The following ZNF214 variants were observed in gnomAD, a reference collection of about 807,000 sequenced individuals.
ZNF214 encodes zinc finger protein 214, also known as BWSCR2-associated zinc finger protein 1.
Under a neutral mutation model 53.9 loss-of-function variants are expected in ZNF214, and 43 were observed. The observed-to-expected ratio is 0.80, with a 90% CI of 0.63 to 1.03. ZNF214 has a LOEUF of 1.03. Among genes scored for constraint, ZNF214 ranks in the 50% least tolerant of loss-of-function variants. The pLI is 0.00. For missense variants in ZNF214, 724 were observed against 719.1 expected, an observed-to-expected ratio of 1.01 and a Z score of -0.08; for synonymous variants, 217 against 229.5, an observed-to-expected ratio of 0.95 and a Z score of 0.49.
rs748332630 is a variant in ZNF214 at position 7,002,828 on chromosome 11, A to G, written c.8T>C (p.Val3Ala). The change falls in exon 2 of 3, where the codon GTA becomes GCA. Residue 3 changes from valine (V) to alanine (A), a missense_variant. Transcript: ENST00000278314. MA[V>A]TFEDVTIIFT... is the part of the protein sequence containing the mutation. ...AATAATAGTCACATCTTCAAATGTT[A>G]CTGCCATCTGGTCAAAGATCAGGCT... The G allele has an allele frequency of 1.3e-6, 2 of 1,598,068 alleles. No individual in the cohort carries two copies. Among genetic ancestry groups the G allele is most frequent in the Admixed American group, 1.8e-5 (1 of 56,836 alleles).
intron 1 of ZNF214, among the ~76,000 whole-genome samples, chr11:7,013,917 T>C (rs1017144394): frequency 3.3e-5 from 5 of 152,218 alleles, no homozygotes; most frequent in African/African-American, 7.2e-5. Context: ...ATATGATTAT[T>C]GTAATGGATG....
intron 1 of ZNF214, among the ~76,000 whole-genome samples, chr11:7,005,774 G>A (rs1242005479): frequency 6.6e-6 from 1 of 151,952 alleles, no homozygotes; most frequent in Admixed American, 6.6e-5. Context: ...ATTTCATTAG[G>A]TTTTACAAAT....
At chr11:7,012,457 A>G (rs996026693) in intron 1 of ZNF214, among the ~76,000 whole-genome samples, 6 of 152,182 alleles carry the variant, frequency 3.9e-5, no homozygotes, top group Admixed American at 1.3e-4. Flanking sequence ...ATGAAAAAAA[A>G]GATGGAATTT....
rs1383255255 is a variant in ZNF214, at chr11:6,997,414, A to G, written c.*2448T>C. Among the ~76,000 whole-genome samples the G allele has an allele frequency of 2.6e-5, 4 of 151,824 alleles. No homozygotes were observed. The highest frequency in any genetic ancestry group is 1.3e-4 in the Admixed American group (2 of 15,210). ...TGAAGCATTGAACGTGTTTTGATAC[A>G]TTTGGCTTTAATCATCTTGATCCGT... On this transcript the variant is annotated 3_prime_UTR_variant, in exon 3 of 3. Coordinates refer to ENST00000278314, the MANE Select transcript of ZNF214 (RefSeq NM_013249.4).
chr11:6,999,684 T>A lies in ZNF214; in HGVS notation c.*178A>T. 3.5e-6 allele frequency: 2 copies of A among 576,088 alleles called. No homozygotes were observed. The highest frequency in any genetic ancestry group is 5.6e-6 in the Non-Finnish European group (2 of 354,508). The allele number at this position is 576,088 out of a possible 1,614,324, so 35.7% of individuals were successfully genotyped here. On this transcript the variant is annotated 3_prime_UTR_variant, in exon 3 of 3. Transcript: ENST00000278314. The stretch of plus-strand genomic sequence containing the variant: ...AAAATACACTATAATTTTAAATATA[T>A]AGGGTTTTTTCTAAAGATCTCCTTT...
chr11:7,014,136 A>G lies in ZNF214; in HGVS notation c.-21+5937T>C, dbSNP rs540614163. On this transcript the variant is annotated intron_variant, in intron 1 of 2. Transcript: ENST00000278314. ...TACTGTGAAACTACAGCATAATGCA[A>G]TTAGACAAAATTATCTGTAGAGGAT... 1.1e-4 allele frequency among the ~76,000 whole-genome samples: 16 copies of G among 152,370 alleles called. 1 individual carries two copies. In the South Asian group the frequency reaches 2.5e-3, roughly 24 times the overall value.
At chr11:7,014,484 A>G (rs1397207284) in intron 1 of ZNF214, among the ~76,000 whole-genome samples, 2 of 152,256 alleles carry the variant, frequency 1.3e-5, no homozygotes, top group African/African-American at 4.8e-5. Context: ...TTCATGGAAG[A>G]ATATATAGTG....
chr11:7,002,440 C>T (rs1166953921), intron 2 of ZNF214, among the ~76,000 whole-genome samples: 1 of 151,896 alleles, frequency 6.6e-6, no homozygotes, highest in Non-Finnish European at 1.5e-5. Flanking sequence ...AATTTAGGAC[C>T]ACACAAAATT....
At chr11:7,003,865 A>T (rs16921141) in intron 1 of ZNF214, among the ~76,000 whole-genome samples, 5,364 of 152,050 alleles carry the variant, frequency 0.035, 150 homozygotes, top group East Asian at 0.13. Flanking sequence ...CCATGTATTT[A>T]AATACCTAGT....
At chr11:7,020,039 G>T (rs1362120983) in intron 1 of ZNF214, 34 bp downstream of exon 1, 11 of 152,342 alleles carry the variant, frequency 7.2e-5, no homozygotes, top group Admixed American at 4.6e-4. Flanking sequence ...CCCATACCCC[G>T]GGGCCCAAGC....
chr11:7,004,029 T>C (rs2133388494), intron 1 of ZNF214, among the ~76,000 whole-genome samples: 1 of 151,946 alleles, frequency 6.6e-6, no homozygotes, highest in East Asian at 1.9e-4. Context: ...GGAAAATAAA[T>C]GGACTCACTG....
chr11:7,012,956 A>G (rs992995869), intron 1 of ZNF214, among the ~76,000 whole-genome samples: 1 of 151,300 alleles, frequency 6.6e-6, no homozygotes, highest in African/African-American at 2.4e-5. Context: ...ATCTCACAAG[A>G]TAAGTTGTTG....
In ZNF214 at chr11:6,997,301, C is replaced by T. The variant is rs145083107; in HGVS notation, c.*2561G>A. Reference sequence around the variant, plus strand: ...TTATGTTTGTCTAATAAACCTTCACCTGGTCTCACATTTAAGCAATATCAC... The same window carrying T: ...TTATGTTTGTCTAATAAACCTTCACTTGGTCTCACATTTAAGCAATATCAC... On this transcript the variant is annotated 3_prime_UTR_variant, in exon 3 of 3. Transcript: ENST00000278314. Among the ~76,000 whole-genome samples the T allele has an allele frequency of 1.3e-4, 20 of 151,870 alleles. No homozygotes were observed. The highest frequency in any genetic ancestry group is 4.8e-4 in the African/African-American group (20 of 41,496).
Position 6,997,319 on chromosome 11 carries a change from A to C in ZNF214, c.*2543T>G, listed in dbSNP as rs1851205401. ...CCTTCACCTGGTCTCACATTTAAGC[A>C]ATATCACATTTTCATCTGTTATAGC... On this transcript the variant is annotated 3_prime_UTR_variant, in exon 3 of 3. Transcript: ENST00000278314. Among the ~76,000 whole-genome samples the C allele has an allele frequency of 1.3e-5, 2 of 151,882 alleles. No homozygotes were observed. Among genetic ancestry groups the C allele is most frequent in the African/African-American group, 4.8e-5 (2 of 41,408 alleles).
chr11:7,001,204 T>C lies in ZNF214; in HGVS notation c.479A>G (p.His160Arg), dbSNP rs16921097. The change falls in exon 3 of 3, where the codon CAT becomes CGT. Residue 160 changes from histidine (H) to arginine (R), a missense_variant. Physicochemically the swap from His to Arg is conservative, Grantham distance 29. Transcript: ENST00000278314. The part of the protein sequence containing the change: ...YGREIYMSGS[H>R]GFQGGRYRLG... ...ACGGTATCTGCCCCCTTGAAAACCA[T>C]GTGAACCACTCATGTAGATTTCTCT... 2,592 of 1,613,236 alleles carry C rather than the reference T, an allele frequency of 1.6e-3. 27 individuals carry two copies. In the African/African-American group the frequency reaches 0.027, roughly 17 times the overall value.
Position 6,998,048 on chromosome 11 carries a change from G to T in ZNF214, c.*1814C>A, listed in dbSNP as rs539127139. On this transcript the variant is annotated 3_prime_UTR_variant, in exon 3 of 3. Transcript: ENST00000278314. The stretch of plus-strand genomic sequence containing the variant: ...CAAACTCTCTTTAAGGCACATATAC[G>T]CTACACTGTTTTCTTGCTTATCAAA... Among the ~76,000 whole-genome samples the T allele has an allele frequency of 6.6e-6, 1 of 151,778 alleles. No individual in the cohort carries two copies. Among genetic ancestry groups the T allele is most frequent in the Non-Finnish European group, 1.5e-5 (1 of 67,844 alleles).
intron 1 of ZNF214, among the ~76,000 whole-genome samples, chr11:7,011,870 G>GA (rs1343759028): frequency 6.6e-6 from 1 of 151,246 alleles, no homozygotes; most frequent in South Asian, 2.1e-4. Flanking sequence ...ATTCACACCA[G>GA]AAAAAAAACC....
chr11:7,001,186 C>G lies in ZNF214; in HGVS notation c.497G>C (p.Arg166Thr). The change falls in exon 3 of 3, where the codon AGA becomes ACA. Residue 166 changes from arginine to threonine, a missense_variant. Transcript: ENST00000278314. Reference sequence around the variant, plus strand: ...TTTCCTGGATATGCCAAGACGGTATCTGCCCCCTTGAAAACCATGTGAACC... The same window carrying G: ...TTTCCTGGATATGCCAAGACGGTATGTGCCCCCTTGAAAACCATGTGAACC... ...MSGSHGFQGGRYRLGISRKNL... is the reference protein window; with the variant it reads ...MSGSHGFQGGTYRLGISRKNL... 1.9e-6 allele frequency: 3 copies of G among 1,613,234 alleles called. No homozygotes were observed. Among genetic ancestry groups the G allele is most frequent in the African/African-American group, 1.3e-5 (1 of 74,936 alleles).
intron 1 of ZNF214, among the ~76,000 whole-genome samples, chr11:7,006,993 A>G (rs990830771): frequency 1.1e-4 from 17 of 152,084 alleles, no homozygotes; most frequent in African/African-American, 3.6e-4. Context: ...AAAACTAACA[A>G]CAAAAGAAAT....
Sources: allele counts gnomAD v4.1 joint callset (sites outside exome capture counted in the v4.1 genomes callset), GRCh38; gene constraint gnomAD v4.1.1; transcripts MANE v1.5; gene names NCBI Gene and HGNC (gene_info 2026-07-23, HGNC 2026-07-21).